Variants in ARHGAP15 observed in about 807,000 individuals in gnomAD.
The protein encoded by ARHGAP15 is Rho GTPase activating protein 15, also known as rho GTPase-activating protein 15.
A neutral mutation model predicts 63.7 loss-of-function variants in ARHGAP15; 51 were observed. The ratio of observed to expected loss-of-function variants is 0.80; its 90% CI spans 0.64 to 1.01. The LOEUF is 1.01. Among genes scored for constraint, ARHGAP15 ranks in the 50% least tolerant of loss-of-function variants. The probability of loss-of-function intolerance (pLI) is 0.00; values close to 1 mark genes in which losing one functional copy is unlikely to be tolerated. For missense variants in ARHGAP15, 560 were observed against 564.6 expected (o/e 0.99, Z 0.08); for synonymous variants, 191 against 193.8 (o/e 0.99, Z 0.12).
At chr2:143,727,202 T>C (rs1270293426) in intron 13 of ARHGAP15, among the ~76,000 whole-genome samples, 1 of 152,248 alleles carries the variant, frequency 6.6e-6, no homozygotes, top group East Asian at 1.9e-4. Context: ...ACATGTCATT[T>C]CCACTGGGTA....
At chr2:143,697,474 G>A (rs1305087077) in intron 12 of ARHGAP15, among the ~76,000 whole-genome samples, 2 of 152,148 alleles carry the variant, frequency 1.3e-5, no homozygotes, top group East Asian at 3.8e-4. Context: ...AGAACTAGAA[G>A]CATCAATAGT....
intron 10 of ARHGAP15, among the ~76,000 whole-genome samples, chr2:143,542,724 A>G (rs1695139764): frequency 8.7e-6 from 1 of 114,822 alleles, no homozygotes; most frequent in South Asian, 2.5e-4. Context: ...TATATATAAT[A>G]TCACATATAT....
intron 9 of ARHGAP15, among the ~76,000 whole-genome samples, chr2:143,508,987 TTTCTC>T (rs1444101537): frequency 6.6e-6 from 1 of 152,124 alleles, no homozygotes; most frequent in Non-Finnish European, 1.5e-5. Flanking sequence ...GGGAAGAACT[TTTCTC>T]TTCTGTCAGT....
At chr2:143,365,155 T>G (rs1339412556) in intron 6 of ARHGAP15, among the ~76,000 whole-genome samples, 2 of 152,226 alleles carry the variant, frequency 1.3e-5, no homozygotes, top group Non-Finnish European at 2.9e-5. Flanking sequence ...CTCTGTAGCA[T>G]GTAAAACAAC....
At chr2:143,665,030 C>A (rs1292786629) in intron 12 of ARHGAP15, among the ~76,000 whole-genome samples, 6 of 151,930 alleles carry the variant, frequency 3.9e-5, no homozygotes, top group Admixed American at 6.5e-5. Flanking sequence ...CTATTCCAAT[C>A]AATAGAAAAA....
At chr2:143,320,410 C>CCCCCCCCCCCCG (rs1553463624) in intron 6 of ARHGAP15, among the ~76,000 whole-genome samples, 4 of 19,046 alleles carry the variant, frequency 2.1e-4, no homozygotes, top group East Asian at 1.9e-3. Flanking sequence ...ACTTCCCCAC[C>CCCCCCCCCCCCG]CCCCCCCCCC....
chr2:143,452,314 T>A (rs1306649696), intron 8 of ARHGAP15, among the ~76,000 whole-genome samples: 1 of 152,006 alleles, frequency 6.6e-6, no homozygotes, highest in African/African-American at 2.4e-5. Flanking sequence ...TAGGATCTGC[T>A]TATTGTGTAG....
At chr2:143,244,832 A>G (rs1014777711) in intron 5 of ARHGAP15, among the ~76,000 whole-genome samples, 1 of 152,238 alleles carries the variant, frequency 6.6e-6, no homozygotes. Context: ...GTGAGAGAAA[A>G]TAAGAACTCT....
intron 12 of ARHGAP15, among the ~76,000 whole-genome samples, chr2:143,647,987 C>A (rs749209993): frequency 6.6e-6 from 1 of 151,960 alleles, no homozygotes; most frequent in Admixed American, 6.6e-5. Flanking sequence ...CCCAAGAGGG[C>A]TGAGTATTAA....
intron 6 of ARHGAP15, among the ~76,000 whole-genome samples, chr2:143,329,906 G>C (rs764336516): frequency 7.7e-6 from 1 of 129,048 alleles, no homozygotes; most frequent in South Asian, 2.4e-4. Context: ...TTGCCCCCCT[G>C]CCCTCCAACC....
chr2:143,288,201 C>T (rs147364273), intron 6 of ARHGAP15, among the ~76,000 whole-genome samples: 2 of 152,208 alleles, frequency 1.3e-5, no homozygotes, highest in Non-Finnish European at 2.9e-5. Context: ...GGCCATAGGC[C>T]ACAGGGAGAG....
intron 1 of ARHGAP15, among the ~76,000 whole-genome samples, chr2:143,146,401 G>T (rs1689592018): frequency 1.3e-5 from 2 of 151,946 alleles, no homozygotes; most frequent in Non-Finnish European, 2.9e-5. Flanking sequence ...AGACCCTTTA[G>T]GTTTTCATTG....
intron 6 of ARHGAP15, among the ~76,000 whole-genome samples, chr2:143,400,608 C>G (rs1320139): frequency 0.6 from 91,646 of 151,674 alleles, 28,096 homozygotes; most frequent in Admixed American, 0.72. Context: ...TGGACCTATA[C>G]TAGATATACA....
chr2:143,723,641 A>G (rs1035668175), intron 13 of ARHGAP15, among the ~76,000 whole-genome samples: 7 of 152,220 alleles, frequency 4.6e-5, no homozygotes, highest in African/African-American at 1.4e-4. Flanking sequence ...CACCTACTGT[A>G]TGCCAGGCAC....
chr2:143,712,526 C>T (rs1024482317), intron 13 of ARHGAP15, among the ~76,000 whole-genome samples: 3 of 151,848 alleles, frequency 2.0e-5, no homozygotes, highest in African/African-American at 7.3e-5. Context: ...CCGTGTGAAC[C>T]CAGAAGAGAG....
At chr2:143,319,352 G>A (rs1683888188) in intron 6 of ARHGAP15, among the ~76,000 whole-genome samples, 1 of 151,608 alleles carries the variant, frequency 6.6e-6, no homozygotes, top group South Asian at 2.1e-4. Context: ...AGCCTCCCGA[G>A]TAGCTGGGAT....
chr2:143,186,515 C>T (rs192053439), intron 2 of ARHGAP15, among the ~76,000 whole-genome samples: 1 of 152,164 alleles, frequency 6.6e-6, no homozygotes, highest in Non-Finnish European at 1.5e-5. Context: ...CTCCATTCCT[C>T]ATCTTTGAAT....
At chr2:143,364,913 C>G (rs1021433166) in intron 6 of ARHGAP15, among the ~76,000 whole-genome samples, 2 of 152,016 alleles carry the variant, frequency 1.3e-5, no homozygotes, top group South Asian at 4.1e-4. Flanking sequence ...GGCTGAGGCA[C>G]GAGAATTGCT....
At chr2:143,194,893 A>G (rs1691828793) in intron 2 of ARHGAP15, among the ~76,000 whole-genome samples, 1 of 152,170 alleles carries the variant, frequency 6.6e-6, no homozygotes. Flanking sequence ...TAAAGCAGAG[A>G]AAGAATATTA....
Sources: allele counts gnomAD v4.1 joint callset (sites outside exome capture counted in the v4.1 genomes callset), GRCh38; gene constraint gnomAD v4.1.1; transcripts MANE v1.5; gene names NCBI Gene and HGNC (gene_info 2026-07-23, HGNC 2026-07-21).